Variants in CUX2 observed in about 807,000 individuals in gnomAD.
CUX2 encodes the protein homeobox protein cut-like 2.
In CUX2, 40 loss-of-function variants were observed where a neutral mutation model predicts 144.8. The observed-to-expected ratio is 0.28, with a 90% CI of 0.21 to 0.36. The LOEUF is 0.36. CUX2 is among the 10% of genes least tolerant of loss of function. The pLI is 1.00. For missense variants in CUX2, 1,615 were observed against 1,994.0 expected, an observed-to-expected ratio of 0.81 and a Z score of 3.62; for synonymous variants, 827 against 875.6, an observed-to-expected ratio of 0.94 and a Z score of 0.98.
chr12:111,342,989 A>G (rs1290495648), intron 21 of CUX2, among the ~76,000 whole-genome samples: 1 of 149,762 alleles, frequency 6.7e-6, no homozygotes, highest in African/African-American at 2.5e-5. Context: ...AATCCAGCAC[A>G]TAGTATGTGG....
rs955323601 is a variant in CUX2, at chr12:111,073,629, T to C, written c.63+39389T>C. Among the ~76,000 whole-genome samples the C allele has an allele frequency of 4.6e-5, 7 of 152,078 alleles. 1 individual carries two copies. Among genetic ancestry groups the C allele is most frequent in the African/African-American group, 1.7e-4 (7 of 41,294 alleles). On this transcript the variant is annotated intron_variant, in intron 1 of 21. Coordinates refer to ENST00000261726, the MANE Select transcript of CUX2 (RefSeq NM_015267.4). ...AGCAGCATCTCTGGCCTCTATCTAC[T>C]CAGTGCGATAGCATCTCCCAAATTG...
intron 3 of CUX2, among the ~76,000 whole-genome samples, chr12:111,248,168 C>T (rs1225901921): frequency 6.6e-6 from 1 of 152,154 alleles, no homozygotes; most frequent in Non-Finnish European, 1.5e-5. Context: ...CCCAGAGTGC[C>T]GGGATTATAG....
chr12:111,116,411 T>C (rs539412887), intron 1 of CUX2, among the ~76,000 whole-genome samples: 1 of 152,328 alleles, frequency 6.6e-6, no homozygotes, highest in South Asian at 2.1e-4. Context: ...AGCATTGTGT[T>C]GTTAACTAAT....
At chr12:111,268,181 A>G (rs1884471495) in intron 4 of CUX2, among the ~76,000 whole-genome samples, 1 of 151,720 alleles carries the variant, frequency 6.6e-6, no homozygotes, top group Non-Finnish European at 1.5e-5. Context: ...ATCCTTAATT[A>G]TATCGGCAAA....
chr12:111,115,315 TTGCTCTG>T (rs1480273652), intron 1 of CUX2, among the ~76,000 whole-genome samples: 2 of 145,372 alleles, frequency 1.4e-5, no homozygotes, highest in African/African-American at 5.1e-5. Context: ...AGATAGAGTC[TTGCTCTG>T]TCGCCCAGGC....
intron 9 of CUX2, among the ~76,000 whole-genome samples, chr12:111,303,636 C>CA (rs35729076): frequency 0.13 from 14,860 of 113,130 alleles, 877 homozygotes; most frequent in South Asian, 0.22. Flanking sequence ...GACTCCATCT[C>CA]AAAAAAAAAA....
chr12:111,209,392 T>TA (rs1289533257), intron 1 of CUX2, among the ~76,000 whole-genome samples: 4 of 151,846 alleles, frequency 2.6e-5, no homozygotes, highest in Non-Finnish European at 5.9e-5. Flanking sequence ...AGACCCTATC[T>TA]AAAAAAAAAT....
chr12:111,243,161 C>T (rs1327021429), intron 3 of CUX2, among the ~76,000 whole-genome samples: 1 of 152,060 alleles, frequency 6.6e-6, no homozygotes, highest in Non-Finnish European at 1.5e-5. Context: ...ATCCAGCATA[C>T]AAAAGTAAAG....
chr12:111,305,962 A>C (rs2136361671), intron 10 of CUX2, among the ~76,000 whole-genome samples: 1 of 152,272 alleles, frequency 6.6e-6, no homozygotes, highest in African/African-American at 2.4e-5. Context: ...CTTGTGTGTC[A>C]GCCTGTGTCT....
chr12:111,133,585 G>A (rs901087696), intron 1 of CUX2, among the ~76,000 whole-genome samples: 9 of 152,164 alleles, frequency 5.9e-5, no homozygotes, highest in Admixed American at 3.3e-4. Flanking sequence ...CCCACAACAC[G>A]TGGGAATTCT....
chr12:111,304,027 C>T lies in CUX2; in HGVS notation c.754-183C>T, dbSNP rs1886450960. 2 of 566,848 alleles carry T rather than the reference C, an allele frequency of 3.5e-6. No individual in the cohort carries two copies. Among genetic ancestry groups the T allele is most frequent in the Non-Finnish European group, 6.3e-6 (2 of 316,196 alleles). The allele number at this position is 566,848 out of a possible 1,614,324, so 35.1% of individuals were successfully genotyped here. ...AACCCCAGAGGCTGCTATTTCTTGT[C>T]CCCAGCCCAGACAGGGCTCTGTGAC... On this transcript the variant is annotated intron_variant, in intron 9 of 21. Transcript: ENST00000261726. This position sits in a 1 kb window ranked among gnomAD's most constrained non-coding sequence, Gnocchi z 4.7.
intron 1 of CUX2, among the ~76,000 whole-genome samples, chr12:111,152,811 C>T (rs1016173308): frequency 2.0e-5 from 3 of 152,196 alleles, no homozygotes; most frequent in Non-Finnish European, 4.4e-5. Context: ...TGTTAGCTTC[C>T]CATCTGGCAG....
chr12:111,339,795 C>T (rs766878283), intron 20 of CUX2, among the ~76,000 whole-genome samples: 3 of 152,230 alleles, frequency 2.0e-5, no homozygotes, highest in Non-Finnish European at 2.9e-5. Flanking sequence ...GGGCCATCAT[C>T]ATCAGACAAT....
intron 1 of CUX2, among the ~76,000 whole-genome samples, chr12:111,202,577 C>T (rs1880664515): frequency 6.6e-6 from 1 of 152,150 alleles, no homozygotes; most frequent in Non-Finnish European, 1.5e-5. Context: ...TTCATTTGTT[C>T]ATTCATTAAT....
chr12:111,333,278 G>A (rs1357504859), intron 18 of CUX2, among the ~76,000 whole-genome samples: 1 of 152,110 alleles, frequency 6.6e-6, no homozygotes, highest in African/African-American at 2.4e-5. Flanking sequence ...GAGCTGCTTG[G>A]GAGGCTAAGG....
In CUX2 at chr12:111,348,425, A is replaced by T. The variant is rs572967555; in HGVS notation, c.*100A>T. ...GGGTAAGGGAGGGAGGAACTCAACC[A>T]TCAAAATGTGGACAGCAATGTTATG... is the stretch of plus-strand genomic sequence containing the variant. On this transcript the variant is annotated 3_prime_UTR_variant, in exon 22 of 22. Coordinates refer to ENST00000261726, the MANE Select transcript of CUX2 (RefSeq NM_015267.4). The T allele has an allele frequency of 2.5e-5, 28 of 1,123,562 alleles. No individual in the cohort carries two copies. The South Asian group carries it at 4.2e-4, about 17-fold the overall frequency. The allele number at this position is 1,123,562 out of a possible 1,614,324, so 69.6% of individuals were successfully genotyped here.
intron 4 of CUX2, among the ~76,000 whole-genome samples, chr12:111,286,385 C>T (rs1885382865): frequency 6.6e-6 from 1 of 152,152 alleles, no homozygotes; most frequent in African/African-American, 2.4e-5. Flanking sequence ...GAGCTGACAC[C>T]CGATCCCTAA....
At chr12:111,073,434 G>A (rs1009309038) in intron 1 of CUX2, among the ~76,000 whole-genome samples, 50 of 152,144 alleles carry the variant, frequency 3.3e-4, no homozygotes, top group Admixed American at 1.8e-3. Flanking sequence ...TCAGTTGGGG[G>A]CTCCTACAAA....
At position 111,171,916 on chromosome 12, in the gene CUX2, T is replaced by TGTGTGC. The variant is rs1423372085; in HGVS notation, c.64-42277_64-42272dup. The stretch of plus-strand genomic sequence containing the variant: ...GGGCAGGCAGCATATGCACTCTCTG[T>TGTGTGC]GTGTGCGTGTGCCTGTGCCTGTGTA... On this transcript the variant is annotated intron_variant, in intron 1 of 21. Transcript: ENST00000261726. The surrounding 1 kb of genome is among the most constrained non-coding windows in gnomAD (Gnocchi z 5.0). Among the ~76,000 whole-genome samples, 1 of 152,216 alleles carries TGTGTGC rather than the reference T, an allele frequency of 6.6e-6. No homozygotes were observed. The highest frequency in any genetic ancestry group is 2.4e-5 in the African/African-American group (1 of 41,466).
Sources: allele counts gnomAD v4.1 joint callset (sites outside exome capture counted in the v4.1 genomes callset), GRCh38; gene constraint gnomAD v4.1.1; non-coding constraint Gnocchi (gnomAD v3.1); transcripts MANE v1.5; gene names NCBI Gene and HGNC (gene_info 2026-07-23, HGNC 2026-07-21).